RMND1: variants seen among roughly 807,000 people sequenced by gnomAD.
The protein encoded by RMND1 is required for meiotic nuclear division 1 homolog.
A neutral mutation model predicts 54.0 loss-of-function variants in RMND1; 41 were observed. That is an observed-to-expected ratio of 0.76 (90% CI 0.59 to 0.98). The LOEUF is 0.98. RMND1 is among the 50% of genes least tolerant of loss of function. RMND1 has a pLI of 0.00. For missense variants in RMND1, 457 were observed against 532.0 expected (o/e 0.86, Z 1.39); for synonymous variants, 183 against 181.7 (o/e 1.01, Z -0.06).
Position 151,421,275 on chromosome 6 carries a change from A to G in RMND1, c.1049T>C (p.Met350Thr), listed in dbSNP as rs1582950315. The G allele has an allele frequency of 1.2e-6, 2 of 1,612,836 alleles. No homozygotes were observed. The highest frequency in any genetic ancestry group is 3.3e-5 in the Admixed American group (2 of 59,902). The change falls in exon 9 of 12, where the codon ATG becomes ACG. Residue 350 changes from methionine (M) to threonine (T), a missense_variant. By Grantham distance (81) the Met-to-Thr change is moderately conservative. Coordinates refer to ENST00000444024, the MANE Select transcript of RMND1 (RefSeq NM_017909.4). ...KKVKLSHEEVMQKIGELFALR... is the reference protein window; with the variant it reads ...KKVKLSHEEVTQKIGELFALR... The stretch of plus-strand genomic sequence containing the variant: ...AGCAAAGAGTTCACCGATTTTCTGC[A>G]TAACTTCTTCATGAGATAGTTTCAC...
At chr6:151,438,593 T>C (rs1334917244) in intron 2 of RMND1, among the ~76,000 whole-genome samples, 1 of 152,140 alleles carries the variant, frequency 6.6e-6, no homozygotes, top group Non-Finnish European at 1.5e-5. Context: ...TTGTCAACAA[T>C]AAACTGAGAG....
intron 4 of RMND1, among the ~76,000 whole-genome samples, chr6:151,432,298 C>T (rs1339767958): frequency 6.6e-6 from 1 of 152,060 alleles, no homozygotes; most frequent in African/African-American, 2.4e-5. Context: ...AATCTAAATT[C>T]CTCACTCGGA....
rs769427352 is a variant in RMND1 at position 151,436,491 on chromosome 6, C to T, written c.568G>A (p.Asp190Asn). Residue 190 changes from aspartate (D) to asparagine (N), a missense_variant, in exon 3 of 12, where the codon GAT (aspartate) becomes AAT (asparagine). Transcript: ENST00000444024. ...TCAACATATCCGTGGGAGGCCAGAT[C>T]TTGAGACAGATTTCCCAGATGATAC... ...DEYHLGNLSQ[D>N]LASHGYVEVT... 13 of 1,614,060 alleles carry T rather than the reference C, an allele frequency of 8.1e-6. No individual in the cohort carries two copies. The highest frequency in any genetic ancestry group is 1.1e-5 in the Non-Finnish European group (13 of 1,179,926).
chr6:151,449,510 C>CT (rs971332613), intron 1 of RMND1, among the ~76,000 whole-genome samples: 4 of 152,090 alleles, frequency 2.6e-5, no homozygotes, highest in African/African-American at 9.7e-5. Flanking sequence ...CTTGCTGTTC[C>CT]TTACGCTCTT....
intron 10 of RMND1, 60 bp downstream of exon 10, chr6:151,417,219 A>G: frequency 6.5e-7 from 1 of 1,538,890 alleles, no homozygotes; most frequent in Non-Finnish European, 8.8e-7. Context: ...GCAGTTAAAC[A>G]TATTCAACTT....
chr6:151,409,045 C>T (rs796217423), intron 10 of RMND1: 4 of 152,228 alleles, frequency 2.6e-5, no homozygotes, highest in East Asian at 3.8e-4. Context: ...TACTGTACTA[C>T]GCTGGGCAGA....
chr6:151,424,032 A>G (rs1050675463), intron 6 of RMND1, among the ~76,000 whole-genome samples: 5 of 151,830 alleles, frequency 3.3e-5, no homozygotes, highest in Non-Finnish European at 4.4e-5. Flanking sequence ...TGTATTTTTA[A>G]TAGAGATAGA....
intron 1 of RMND1, among the ~76,000 whole-genome samples, 199 bp downstream of exon 1, chr6:151,451,817 G>A (rs551670789): frequency 2.0e-5 from 3 of 152,092 alleles, no homozygotes; most frequent in Non-Finnish European, 4.4e-5. Flanking sequence ...TTACCGCGGT[G>A]CACTGGCTCA....
chr6:151,409,566 G>A (rs1779741687), intron 10 of RMND1, among the ~76,000 whole-genome samples: 2 of 152,204 alleles, frequency 1.3e-5, no homozygotes, highest in Non-Finnish European at 2.9e-5. Flanking sequence ...CTGTATGTGA[G>A]GCCTTTGCCA....
chr6:151,445,977 A>G (rs1243923073), intron 1 of RMND1, 152 bp from the exon 2 acceptor site: 3 of 720,666 alleles, frequency 4.2e-6, no homozygotes, highest in Non-Finnish European at 6.5e-6. Flanking sequence ...GGTTAAAAAT[A>G]TAAGTACAGT....
rs1290270231 is a variant in RMND1, at chr6:151,419,905, CA to C, written c.1079+1339del. 3.8e-4 allele frequency among the ~76,000 whole-genome samples: 58 copies of C among 151,998 alleles called. 1 individual carries two copies. The highest frequency in any genetic ancestry group is 3.8e-3 in the Admixed American group (58 of 15,258). On this transcript the variant is annotated intron_variant, in intron 9 of 11. Coordinates refer to ENST00000444024, the MANE Select transcript of RMND1 (RefSeq NM_017909.4). ...AAGCAAACACATGTACATGTGTATG[CA>C]TATAAAGATAAACATGAATATTTTT...
rs144715618 is a variant in RMND1 at position 151,412,514 on chromosome 6, A to G, written c.1200+4765T>C. Among the ~76,000 whole-genome samples the G allele has an allele frequency of 2.2e-3, 329 of 152,256 alleles. 1 individual carries two copies. Among genetic ancestry groups the G allele is most frequent in the African/African-American group, 7.6e-3 (315 of 41,562 alleles). ...AAATCACTTCTGTGATTAGGTTGCA[A>G]AAGACTGTGACTTCTGTTTTACTAG... On this transcript the variant is annotated intron_variant, in intron 10 of 11. Transcript: ENST00000444024.
At chr6:151,416,792 A>C (rs764979916) in intron 10 of RMND1, 1 of 152,604 alleles carries the variant, frequency 6.6e-6, no homozygotes, top group Non-Finnish European at 1.5e-5. Flanking sequence ...CTCTAATCTC[A>C]GCATATCTTA....
chr6:151,419,471 G>A (rs1242926843), intron 9 of RMND1, among the ~76,000 whole-genome samples: 1 of 151,942 alleles, frequency 6.6e-6, no homozygotes, highest in African/African-American at 2.4e-5. Flanking sequence ...GCCTAGGGAG[G>A]AGGATTGCTT....
Position 151,438,542 on chromosome 6 carries a change from CAA to C in RMND1, c.505-1990_505-1989del, listed in dbSNP as rs527497926. Among the ~76,000 whole-genome samples, 226 of 152,296 alleles carry C rather than the reference CAA, an allele frequency of 1.5e-3. 1 individual carries two copies. The highest frequency in any genetic ancestry group is 2.3e-3 in the South Asian group (11 of 4,818). ...TGGCAGCTCGGAGAACCATCCAACT[CAA>C]GAGTTGACCTACATCACGTTTCTAA... On this transcript the variant is annotated intron_variant, in intron 2 of 11. Coordinates refer to ENST00000444024, the MANE Select transcript of RMND1 (RefSeq NM_017909.4).
intron 3 of RMND1, among the ~76,000 whole-genome samples, chr6:151,434,375 G>T (rs1354424635): frequency 6.6e-6 from 1 of 151,568 alleles, no homozygotes; most frequent in East Asian, 1.9e-4. Flanking sequence ...TAAAGGCTGG[G>T]TGATGGGCAA....
In RMND1 at chr6:151,421,963, T is replaced by TA. The variant is rs200565929; in HGVS notation, c.1002+577dup. On this transcript the variant is annotated intron_variant, in intron 8 of 11. Transcript: ENST00000444024. ...GACCCCATTTCAATTATATTAATAT[T>TA]AAAAAAAAAATACTGCACCAACAGA... Among the ~76,000 whole-genome samples, 135 of 149,462 alleles carry TA rather than the reference T, an allele frequency of 9.0e-4. 1 individual carries two copies. The highest frequency in any genetic ancestry group is 1.8e-3 in the African/African-American group (74 of 40,888).
intron 4 of RMND1, among the ~76,000 whole-genome samples, chr6:151,431,023 C>A (rs933085608): frequency 7.9e-5 from 12 of 152,002 alleles, no homozygotes; most frequent in Non-Finnish European, 1.3e-4. Flanking sequence ...GACACTTAGA[C>A]CACCAATTAC....
In RMND1 at chr6:151,449,870, G is replaced by C. The variant is rs569216605; in HGVS notation, c.-15+2146C>G. ...TTCGCTGTGTTGGCCGGGCTGGTCT[G>C]CAGCTCCTAACCGCGAGTGATCTGC... is the stretch of plus-strand genomic sequence containing the variant. On this transcript the variant is annotated intron_variant, in intron 1 of 11. Transcript: ENST00000444024. Among the ~76,000 whole-genome samples, 989 of 152,336 alleles carry C rather than the reference G, an allele frequency of 6.5e-3. 4 individuals are homozygous for C. The highest frequency in any genetic ancestry group is 8.6e-3 in the Non-Finnish European group (583 of 68,034).
Sources: allele counts gnomAD v4.1 joint callset (sites outside exome capture counted in the v4.1 genomes callset), GRCh38; gene constraint gnomAD v4.1.1; transcripts MANE v1.5; gene names NCBI Gene and HGNC (gene_info 2026-07-23, HGNC 2026-07-21).